Variants in KNDC1 observed in about 807,000 individuals in gnomAD.
KNDC1 encodes the protein kinase non-catalytic C-lobe domain-containing protein 1.
A neutral mutation model predicts 172.8 loss-of-function variants in KNDC1; 106 were observed. The observed-to-expected ratio is 0.61, with a 90% CI of 0.52 to 0.72. The LOEUF (loss-of-function observed/expected upper bound fraction) is 0.72. Among genes scored for constraint, KNDC1 ranks in the 30% least tolerant of loss-of-function variants. The pLI is 0.00. For synonymous variants in KNDC1, 1,083 were observed against 1,062.2 expected (o/e 1.02, Z -0.38); for missense variants, 2,325 against 2,394.5 (o/e 0.97, Z 0.61).
chr10:133,165,179 C>A (rs1853108684), intron 1 of KNDC1, among the ~76,000 whole-genome samples: 1 of 152,200 alleles, frequency 6.6e-6, no homozygotes, highest in African/African-American at 2.4e-5. Context: ...AGCCACAGAC[C>A]CCATGGAATT....
chr10:133,211,147 G>C (rs1845354450), intron 21 of KNDC1, among the ~76,000 whole-genome samples: 1 of 152,058 alleles, frequency 6.6e-6, no homozygotes, highest in South Asian at 2.1e-4. Context: ...TGGGCTGAGG[G>C]GGGAGGGGCT....
chr10:133,210,463 C>A, intron 20 of KNDC1, 148 bp from the exon 21 acceptor site: 1 of 572,330 alleles, frequency 1.7e-6, no homozygotes, highest in Non-Finnish European at 3.2e-6. Context: ...TATCCATGTC[C>A]CCCCTTTAAT....
intron 3 of KNDC1, among the ~76,000 whole-genome samples, chr10:133,169,792 G>A (rs1176645989): frequency 6.6e-6 from 1 of 152,238 alleles, no homozygotes; most frequent in East Asian, 1.9e-4. Flanking sequence ...GTGATCCCTG[G>A]TGCACATGAG....
At chr10:133,204,538 G>A (rs952231821) in intron 17 of KNDC1, among the ~76,000 whole-genome samples, 5 of 152,212 alleles carry the variant, frequency 3.3e-5, no homozygotes, top group African/African-American at 1.2e-4. Context: ...GGGGAGCCTG[G>A]CCCTCCGTGG....
At chr10:133,189,938 C>A (rs1390613624) in intron 9 of KNDC1, 125 bp downstream of exon 9, 1 of 801,402 alleles carries the variant, frequency 1.2e-6, no homozygotes, top group Non-Finnish European at 2.1e-6. Context: ...CCTGGCCAGG[C>A]GGCCACAGGC....
chr10:133,198,993 C>T lies in KNDC1; in HGVS notation c.2485C>T (p.Pro829Ser). 9 of 1,554,912 alleles carry T rather than the reference C, an allele frequency of 5.8e-6. No homozygotes were observed. Among genetic ancestry groups the T allele is most frequent in the African/African-American group, 1.4e-5 (1 of 73,540 alleles). The change falls in exon 14 of 30, where the codon CCC becomes TCC. Residue 829 changes from proline (P) to serine (S), a missense_variant. Pro to Ser is a moderately conservative substitution (Grantham distance 74). Transcript: ENST00000304613. ...GGCCCACCACGGCCCACGCCACCCGCCCAAGCCCCCACGAAGCAAGGCCAC... is the reference window on the plus strand; with the variant it reads ...GGCCCACCACGGCCCACGCCACCCGTCCAAGCCCCCACGAAGCAAGGCCAC... ...TTAHHGPRHP[P>S]KPPRSKATER...
intron 3 of KNDC1, among the ~76,000 whole-genome samples, chr10:133,169,050 G>A (rs528322289): frequency 1.6e-4 from 24 of 152,218 alleles, no homozygotes; most frequent in Non-Finnish European, 3.2e-4. Context: ...CTACTGTCAC[G>A]AAGCCCATGG....
intron 2 of KNDC1, 121 bp downstream of exon 2, chr10:133,167,700 C>T (rs889978357): frequency 9.3e-7 from 1 of 1,070,206 alleles, no homozygotes; most frequent in Non-Finnish European, 1.3e-6. Flanking sequence ...ACCCGGGTTT[C>T]CTGTGGAGAC....
chr10:133,160,384 T>G lies in KNDC1; in HGVS notation c.-84T>G. 1 of 680,700 alleles carries G rather than the reference T, an allele frequency of 1.5e-6. No homozygotes were observed. Among genetic ancestry groups the G allele is most frequent in the Non-Finnish European group, 2.0e-6 (1 of 500,372 alleles). The allele number at this position is 680,700 out of a possible 1,614,324, so 42.2% of individuals were successfully genotyped here. On this transcript the variant is annotated 5_prime_UTR_variant, in exon 1 of 30. Transcript: ENST00000304613. Reference sequence around the variant, plus strand: ...CGGGGGCGGGCGAGGGCCGGGCGCGTCTCCATGGAGCCAGGGCGCGCGTAG... The same window carrying G: ...CGGGGGCGGGCGAGGGCCGGGCGCGGCTCCATGGAGCCAGGGCGCGCGTAG...
chr10:133,195,749 G>C lies in KNDC1; in HGVS notation c.1662G>C (p.Arg554Ser). 2.5e-6 allele frequency: 4 copies of C among 1,610,904 alleles called. No homozygotes were observed. The highest frequency in any genetic ancestry group is 1.7e-6 in the Non-Finnish European group (2 of 1,178,958). Residue 554 changes from arginine (R) to serine (S), a missense_variant, in exon 10 of 30, where the codon AGG (arginine) becomes AGC (serine). Transcript: ENST00000304613. ...ACCACAAGCTGGCCCTGCCACGCAG[G>C]CTCAAGACCCTCCTCCTGGACATGG... ...PRNHKLALPRRLKTLLLDMAR... is the reference protein window; with the variant it reads ...PRNHKLALPRSLKTLLLDMAR...
chr10:133,185,075 G>A (rs1329686194), intron 5 of KNDC1, among the ~76,000 whole-genome samples: 3 of 152,288 alleles, frequency 2.0e-5, no homozygotes, highest in East Asian at 1.9e-4. Context: ...GCACGGCCAC[G>A]AGGAGTCTCA....
chr10:133,205,244 A>G (rs1017553868), intron 17 of KNDC1, among the ~76,000 whole-genome samples: 3 of 152,140 alleles, frequency 2.0e-5, no homozygotes, highest in Admixed American at 6.5e-5. Context: ...CGTGGGAGGC[A>G]TCCTGGGACA....
At chr10:133,202,290 A>T in intron 17 of KNDC1, 2 of 505,928 alleles carry the variant, frequency 4.0e-6, no homozygotes, top group African/African-American at 3.8e-5. Context: ...GAAAGAAAAC[A>T]CCAAAAACGC....
intron 3 of KNDC1, among the ~76,000 whole-genome samples, chr10:133,177,732 C>A (rs1017509322): frequency 3.3e-4 from 50 of 151,648 alleles, no homozygotes; most frequent in African/African-American, 1.2e-3. Flanking sequence ...TGTGTTGTGG[C>A]CACATGAGTG....
intron 3 of KNDC1, among the ~76,000 whole-genome samples, chr10:133,174,624 A>G (rs981746268): frequency 3.3e-5 from 5 of 151,038 alleles, no homozygotes; most frequent in Non-Finnish European, 4.5e-5. Context: ...GGATAGGTGG[A>G]TAGGTGGGTG....
chr10:133,184,602 C>T (rs1450296659), intron 5 of KNDC1, among the ~76,000 whole-genome samples: 1 of 152,262 alleles, frequency 6.6e-6, no homozygotes, highest in Non-Finnish European at 1.5e-5. Context: ...TACACACCCG[C>T]TCTCATGCCT....
intron 24 of KNDC1, 144 bp from the exon 25 acceptor site, chr10:133,213,500 AC>A: frequency 1.5e-6 from 1 of 665,422 alleles, no homozygotes. Flanking sequence ...CCTGCAGCCG[AC>A]CCCTGTGGAC....
At position 133,201,590 on chromosome 10, in the gene KNDC1, C is replaced by G. The variant is rs766387008; in HGVS notation, c.3079C>G (p.Arg1027Gly). 5 of 1,613,088 alleles carry G rather than the reference C, an allele frequency of 3.1e-6. No homozygotes were observed. The Admixed American group carries it at 6.7e-5, about 21-fold the overall frequency. ...VSDVDSDALS[R>G]GNFEVGFRPQ... ...GGATGTGGACTCGGACGCACTGTCA[C>G]GGGGAAACTTCGAGGTGGGGTTTCG... The change falls in exon 17 of 30, where the codon CGG (arginine) becomes GGG (glycine). Residue 1027 changes from arginine (R) to glycine (G), a missense_variant. Coordinates refer to ENST00000304613, the MANE Select transcript of KNDC1 (RefSeq NM_152643.8).
intron 1 of KNDC1, among the ~76,000 whole-genome samples, chr10:133,161,967 ACTCCCCACTCCCG>A (rs984761586): frequency 3.3e-5 from 5 of 150,932 alleles, no homozygotes; most frequent in African/African-American, 1.2e-4. Context: ...CTTTCTGCAC[ACTCCCCACTCCCG>A]CTCCCCACCC....
Sources: gnomAD v4.1 joint callset for allele counts (sites outside exome capture counted in the v4.1 genomes callset) on GRCh38, gnomAD v4.1.1 for gene constraint, MANE v1.5 for transcripts, NCBI Gene and HGNC (gene_info 2026-07-23, HGNC 2026-07-21) for gene names.